Variants in BMP5 observed in about 807,000 individuals in gnomAD.
BMP5 encodes bone morphogenetic protein 5.
In BMP5, 23 loss-of-function variants were observed where a neutral mutation model predicts 46.6. The ratio of observed to expected loss-of-function variants is 0.49; its 90% CI spans 0.35 to 0.70. The LOEUF (loss-of-function observed/expected upper bound fraction) is 0.70. BMP5 is among the 30% of genes least tolerant of loss of function. The pLI, the probability that BMP5 is intolerant of heterozygous loss-of-function variation, is 0.00. For synonymous variants in BMP5, 204 were observed against 191.9 expected (o/e 1.06, Z -0.52); for missense variants, 545 against 565.6 (o/e 0.96, Z 0.37).
At chr6:55,815,406 C>G (rs1313843483) in intron 2 of BMP5, among the ~76,000 whole-genome samples, 1 of 151,970 alleles carries the variant, frequency 6.6e-6, no homozygotes, top group Non-Finnish European at 1.5e-5. Context: ...TAAATAGAAA[C>G]CTATCAAATC....
At chr6:55,870,628 T>C (rs1034240950) in intron 1 of BMP5, among the ~76,000 whole-genome samples, 3 of 152,132 alleles carry the variant, frequency 2.0e-5, no homozygotes, top group African/African-American at 7.2e-5. Context: ...TAGATTTGTA[T>C]ATAAATTACT....
intron 6 of BMP5, among the ~76,000 whole-genome samples, chr6:55,757,723 A>G (rs1402398687): frequency 4.6e-5 from 7 of 151,976 alleles, no homozygotes; most frequent in African/African-American, 1.4e-4. Flanking sequence ...GAATCAATAA[A>G]AAGAAGAATA....
Position 55,874,696 on chromosome 6 carries a change from G to A in BMP5, c.170C>T (p.Ser57Phe). 6.2e-7 allele frequency: 1 copy of A among 1,613,620 alleles called. No homozygotes were observed. Among genetic ancestry groups the A allele is most frequent in the South Asian group, 1.1e-5 (1 of 91,084 alleles). Residue 57 changes from serine (S) to phenylalanine (F), a missense_variant, in exon 1 of 7, where the codon TCT becomes TTT. Ser to Phe is a radical substitution (Grantham distance 155). Transcript: ENST00000370830. ...GGGTCTGTGAGGCAAACCCAAGATA[G>A]AGAGAATTTCCCTTTGTATTTCCCG... ...ERREIQREIL[S>F]ILGLPHRPRP...
In BMP5 at chr6:55,819,788, GATCAA is replaced by G; in HGVS notation, c.545_549del (p.Phe182SerfsTer14). 1 of 1,613,780 alleles carries G rather than the reference GATCAA, an allele frequency of 6.2e-7. No individual in the cohort carries two copies. Among genetic ancestry groups the G allele is most frequent in the Non-Finnish European group, 8.5e-7 (1 of 1,179,858 alleles). ...GCCTCTCCATGAGGAATTTGGGTAA[GATCAA>G]ATCGAAATTCTTTGTAATGCCTTCG... is the stretch of plus-strand genomic sequence containing the variant. On this transcript the variant is annotated frameshift_variant, in exon 2 of 7. Transcript: ENST00000370830. LOFTEE classifies it high-confidence loss of function.
intron 1 of BMP5, among the ~76,000 whole-genome samples, chr6:55,839,505 G>A (rs1019839727): frequency 4.0e-5 from 6 of 151,892 alleles, no homozygotes; most frequent in Non-Finnish European, 5.9e-5. Context: ...TGTAAAGACA[G>A]GCTCCCAATA....
At chr6:55,838,170 G>A (rs1776867224) in intron 1 of BMP5, among the ~76,000 whole-genome samples, 1 of 152,178 alleles carries the variant, frequency 6.6e-6, no homozygotes, top group Non-Finnish European at 1.5e-5. Flanking sequence ...CAGTGGGATT[G>A]CCAAATCATT....
At chr6:55,786,090 C>T (rs1424050644) in intron 3 of BMP5, among the ~76,000 whole-genome samples, 1 of 151,666 alleles carries the variant, frequency 6.6e-6, no homozygotes, top group Non-Finnish European at 1.5e-5. Flanking sequence ...CACAGAAAAA[C>T]ATGTCTAACT....
At chr6:55,801,612 A>C (rs1775850564) in intron 2 of BMP5, among the ~76,000 whole-genome samples, 1 of 152,230 alleles carries the variant, frequency 6.6e-6, no homozygotes, top group Admixed American at 6.5e-5. Context: ...CTAGGAATGC[A>C]TAAGGTCAAA....
intron 1 of BMP5, among the ~76,000 whole-genome samples, chr6:55,833,002 G>C (rs1167288637): frequency 6.6e-6 from 1 of 152,058 alleles, no homozygotes; most frequent in Non-Finnish European, 1.5e-5. Context: ...TGTACTTCTA[G>C]ATACTCCAGA....
chr6:55,850,133 A>T (rs995276910), intron 1 of BMP5, among the ~76,000 whole-genome samples: 1 of 152,136 alleles, frequency 6.6e-6, no homozygotes, highest in African/African-American at 2.4e-5. Flanking sequence ...GTCATCTACA[A>T]GTTGCACAAC....
intron 1 of BMP5, among the ~76,000 whole-genome samples, chr6:55,874,015 T>C (rs1259951958): frequency 6.6e-6 from 1 of 152,020 alleles, no homozygotes; most frequent in Non-Finnish European, 1.5e-5. Context: ...CGAATGTCAC[T>C]TTTACTTTCC....
chr6:55,758,346 A>G (rs1048225237), intron 6 of BMP5, among the ~76,000 whole-genome samples: 1 of 151,828 alleles, frequency 6.6e-6, no homozygotes, highest in Non-Finnish European at 1.5e-5. Flanking sequence ...CAGACTCTCA[A>G]TAGGTTTCAT....
intron 1 of BMP5, among the ~76,000 whole-genome samples, chr6:55,820,220 A>G (rs1361468166): frequency 6.6e-6 from 1 of 152,164 alleles, no homozygotes; most frequent in Non-Finnish European, 1.5e-5. Flanking sequence ...GTTCCAGGTG[A>G]AATGACTGGA....
At chr6:55,792,535 C>CA (rs78969394) in intron 3 of BMP5, among the ~76,000 whole-genome samples, 3,096 of 74,164 alleles carry the variant, frequency 0.042, 84 homozygotes, top group African/African-American at 0.069. Context: ...GACTCCGTCT[C>CA]AAAAAAAAAA....
chr6:55,825,056 T>A (rs1292508542), intron 1 of BMP5, among the ~76,000 whole-genome samples: 1 of 151,948 alleles, frequency 6.6e-6, no homozygotes. Context: ...AACATAGGGT[T>A]GTTTATTTAT....
chr6:55,868,064 G>A (rs1470360595), intron 1 of BMP5, among the ~76,000 whole-genome samples: 1 of 152,150 alleles, frequency 6.6e-6, no homozygotes, highest in African/African-American at 2.4e-5. Flanking sequence ...GGTAATCACA[G>A]AGTCAGAACA....
At chr6:55,797,142 C>T (rs758536040) in intron 2 of BMP5, among the ~76,000 whole-genome samples, 18 of 152,134 alleles carry the variant, frequency 1.2e-4, no homozygotes, top group Non-Finnish European at 2.4e-4. Flanking sequence ...GTAATTTTTA[C>T]TCATATGGCC....
At chr6:55,755,978 A>G (rs548362755) in intron 6 of BMP5, among the ~76,000 whole-genome samples, 1 of 151,988 alleles carries the variant, frequency 6.6e-6, no homozygotes, top group Non-Finnish European at 1.5e-5. Context: ...GAAAGAACAC[A>G]GCAACTAGCA....
chr6:55,778,208 A>C (rs1775223910), intron 3 of BMP5, among the ~76,000 whole-genome samples: 1 of 152,042 alleles, frequency 6.6e-6, no homozygotes, highest in Non-Finnish European at 1.5e-5. Flanking sequence ...TGATGTGGAC[A>C]CTGGAAAGAG....
Sources: allele counts gnomAD v4.1 joint callset (sites outside exome capture counted in the v4.1 genomes callset), GRCh38; gene constraint gnomAD v4.1.1; transcripts MANE v1.5; gene names NCBI Gene and HGNC (gene_info 2026-07-23, HGNC 2026-07-21).